The following DOCK7 variants were observed in gnomAD, a reference collection of about 807,000 sequenced individuals.
DOCK7 encodes dedicator of cytokinesis protein 7.
In DOCK7, 138 loss-of-function variants were observed where a neutral mutation model predicts 271.0. The ratio of observed to expected loss-of-function variants is 0.51; its 90% CI spans 0.44 to 0.59. The LOEUF (loss-of-function observed/expected upper bound fraction) is 0.59. DOCK7 is among the 20% of genes least tolerant of loss of function. The pLI, the probability that DOCK7 is intolerant of heterozygous loss-of-function variation, is 0.00. For synonymous variants in DOCK7, 823 were observed against 876.1 expected, an observed-to-expected ratio of 0.94 and a Z score of 1.07; for missense variants, 2,066 against 2,592.4, an observed-to-expected ratio of 0.80 and a Z score of 4.41.
At chr1:62,502,868 T>C (rs1276797484) in intron 37 of DOCK7, among the ~76,000 whole-genome samples, 1 of 152,132 alleles carries the variant, frequency 6.6e-6, no homozygotes, top group African/African-American at 2.4e-5. Flanking sequence ...AATTAGAGGT[T>C]GGATCACAAA....
chr1:62,481,608 T>TA (rs1451859616), intron 43 of DOCK7: 1 of 152,210 alleles, frequency 6.6e-6, no homozygotes, highest in Non-Finnish European at 1.5e-5. Context: ...TACCTTTCTT[T>TA]ACTGTTATGA....
At chr1:62,508,359 AGGT>A (rs1163331445) in intron 34 of DOCK7, among the ~76,000 whole-genome samples, 3 of 152,220 alleles carry the variant, frequency 2.0e-5, no homozygotes, top group African/African-American at 4.8e-5. Context: ...CACTGACACT[AGGT>A]GGTGCTATGT....
chr1:62,624,612 C>T (rs1298959216), intron 12 of DOCK7, among the ~76,000 whole-genome samples: 4 of 152,016 alleles, frequency 2.6e-5, no homozygotes, highest in African/African-American at 9.7e-5. Flanking sequence ...GACATGTAGG[C>T]CACATACTCA....
intron 1 of DOCK7, among the ~76,000 whole-genome samples, chr1:62,673,956 G>C (rs140695853): frequency 5.9e-4 from 89 of 151,726 alleles, no homozygotes; most frequent in African/African-American, 1.9e-3. Flanking sequence ...GAGGGGGAAG[G>C]GGGGGAGGTA....
rs1557567366 is a variant in DOCK7 at position 62,455,377 on chromosome 1, T to C, written c.*37A>G. On this transcript the variant is annotated 3_prime_UTR_variant, in exon 50 of 50. Coordinates refer to ENST00000635253, the MANE Select transcript of DOCK7 (RefSeq NM_001367561.1). The stretch of plus-strand genomic sequence containing the variant: ...CTTTTCACACTCGATGTTGAATACA[T>C]GGCTCTTTGCAGATGAATAAAACAA... 1 of 1,606,462 alleles carries C rather than the reference T, an allele frequency of 6.2e-7. No homozygotes were observed.
Position 62,489,000 on chromosome 1 carries a change from C to T in DOCK7, c.5427G>A (p.Arg1809=). 6.2e-7 allele frequency: 1 copy of T among 1,612,866 alleles called. No individual in the cohort carries two copies. Among genetic ancestry groups the T allele is most frequent in the Non-Finnish European group, 8.5e-7 (1 of 1,179,392 alleles). ...KVLIPIHEAN[R]DAKKLSTIHG... ...GAATTGTGGATAGTTTCTTTGCATC[C>T]CGATTAGCTTCATGAATAGGAATAA... Residue 1809 remains arginine, a synonymous_variant, in exon 42 of 50, where the codon CGG becomes CGA. Transcript: ENST00000635253.
At chr1:62,496,625 A>G (rs530036337) in intron 37 of DOCK7, 128 bp from the exon 38 acceptor site, 44 of 807,074 alleles carry the variant, frequency 5.5e-5, no homozygotes, top group Admixed American at 2.4e-4. Context: ...TTAAAGTAAT[A>G]AAATATGCAT....
chr1:62,492,941 C>T (rs1235518552), intron 40 of DOCK7, 94 bp from the exon 41 acceptor site: 20 of 1,054,030 alleles, frequency 1.9e-5, no homozygotes, highest in Non-Finnish European at 2.6e-5. Context: ...CTGTAACTAT[C>T]AGGTTAGGTT....
chr1:62,546,885 C>A (rs1645729143), intron 22 of DOCK7, among the ~76,000 whole-genome samples: 1 of 152,022 alleles, frequency 6.6e-6, no homozygotes, highest in Admixed American at 6.6e-5. Context: ...AAAATTATGT[C>A]TTTTTTGTAT....
intron 31 of DOCK7, among the ~76,000 whole-genome samples, chr1:62,527,168 C>G (rs189150903): frequency 4.6e-5 from 7 of 152,198 alleles, no homozygotes; most frequent in Non-Finnish European, 8.8e-5. Context: ...TGATCTTGCT[C>G]TATTGGCAAT....
At chr1:62,569,712 TC>T (rs759891951) in intron 18 of DOCK7, among the ~76,000 whole-genome samples, 960 of 57,348 alleles carry the variant, frequency 0.017, 3 homozygotes, top group Admixed American at 0.058. Flanking sequence ...CTCTCCCCCC[TC>T]CCCCCCCCCT....
rs772580265 is a variant in DOCK7, at chr1:62,648,087, T to C, written c.732+19A>G. 3.1e-6 allele frequency: 5 copies of C among 1,601,522 alleles called. No homozygotes were observed. The highest frequency in any genetic ancestry group is 2.2e-5 in the South Asian group (2 of 90,530). The stretch of plus-strand genomic sequence containing the variant: ...CAATTTTAATAATCATTTGCTTCTT[T>C]ATATGCAAACATCTATACCTCATCT... On this transcript the variant is annotated intron_variant, in intron 6 of 49. Coordinates refer to ENST00000635253, the MANE Select transcript of DOCK7 (RefSeq NM_001367561.1).
At position 62,499,047 on chromosome 1, in the gene DOCK7, C is replaced by A. The variant is rs549946226; in HGVS notation, c.4765-2550G>T. On this transcript the variant is annotated intron_variant, in intron 37 of 49. Coordinates refer to ENST00000635253, the MANE Select transcript of DOCK7 (RefSeq NM_001367561.1). Reference sequence around the variant, plus strand: ...GAACTCCTGACCTCAGGTGATCCACCTGCCTCGGCCTCCCAAAGTGCTGGG... The same window carrying A: ...GAACTCCTGACCTCAGGTGATCCACATGCCTCGGCCTCCCAAAGTGCTGGG... Among the ~76,000 whole-genome samples the A allele has an allele frequency of 5.1e-3, 776 of 152,288 alleles. 6 individuals carry two copies. The highest frequency in any genetic ancestry group is 0.018 in the South Asian group (88 of 4,830).
intron 21 of DOCK7, among the ~76,000 whole-genome samples, chr1:62,554,753 T>G (rs1271667727): frequency 1.3e-5 from 2 of 152,174 alleles, no homozygotes; most frequent in Non-Finnish European, 2.9e-5. Context: ...AAACAGTAAA[T>G]GGAGGAGCAC....
chr1:62,564,306 C>T (rs916959309), intron 18 of DOCK7, among the ~76,000 whole-genome samples: 1 of 152,248 alleles, frequency 6.6e-6, no homozygotes, highest in Middle Eastern at 3.4e-3. Context: ...AAATTGACCA[C>T]ATAATTTGAA....
chr1:62,539,877 G>A lies in DOCK7; in HGVS notation c.3061C>T (p.His1021Tyr). The change falls in exon 26 of 50, where the codon CAC (histidine) becomes TAC (tyrosine). Residue 1021 changes from histidine to tyrosine, a missense_variant. By Grantham distance (83) the His-to-Tyr change is moderately conservative. Around this residue, in one of 2 missense-constraint regions of DOCK7, gnomAD observed 1,414 missense variants for 1,670.4 expected, o/e 0.85. Coordinates refer to ENST00000635253, the MANE Select transcript of DOCK7 (RefSeq NM_001367561.1). Reference sequence around the variant, plus strand: ...AGTTTATCATTAAAGTATAAATGGTGCACCATGCTCTTTACCTGAAAAAAA... The same window carrying A: ...AGTTTATCATTAAAGTATAAATGGTACACCATGCTCTTTACCTGAAAAAAA... ...FFELMVKSMVHHLYFNDKLEA... is the reference protein window; with the variant it reads ...FFELMVKSMVYHLYFNDKLEA... 6.2e-7 allele frequency: 1 copy of A among 1,605,302 alleles called. No homozygotes were observed. Among genetic ancestry groups the A allele is most frequent in the East Asian group, 2.2e-5 (1 of 44,716 alleles).
At chr1:62,592,865 A>G (rs1416196419) in intron 14 of DOCK7, among the ~76,000 whole-genome samples, 1 of 152,232 alleles carries the variant, frequency 6.6e-6, no homozygotes, top group African/African-American at 2.4e-5. Flanking sequence ...AAGCAATCGT[A>G]AGTTACAAGT....
At chr1:62,620,148 C>T (rs999129453) in intron 12 of DOCK7, among the ~76,000 whole-genome samples, 155 bp from the exon 13 acceptor site, 1 of 150,994 alleles carries the variant, frequency 6.6e-6, no homozygotes, top group East Asian at 2.0e-4. Flanking sequence ...GGTGAAACCC[C>T]GTCTCTACTA....
chr1:62,460,639 A>ACACC (rs1220723847), intron 48 of DOCK7, among the ~76,000 whole-genome samples: 7 of 114,036 alleles, frequency 6.1e-5, no homozygotes, highest in African/African-American at 2.2e-4. Context: ...ACACACACAC[A>ACACC]CCCTCCAAGT....
Sources: allele counts gnomAD v4.1 joint callset (sites outside exome capture counted in the v4.1 genomes callset), GRCh38; gene constraint gnomAD v4.1.1; regional missense constraint gnomAD v4.1.1; transcripts MANE v1.5; gene names NCBI Gene and HGNC (gene_info 2026-07-23, HGNC 2026-07-21).